Variants in RBFOX1 observed in about 807,000 individuals in gnomAD.
RBFOX1 encodes the protein RNA binding protein fox-1 homolog 1.
In RBFOX1, 8 loss-of-function variants were observed where a neutral mutation model predicts 57.7. The ratio of observed to expected loss-of-function variants is 0.14; its 90% confidence interval spans 0.08 to 0.25. RBFOX1 has a LOEUF of 0.25. RBFOX1 is among the 10% of genes least tolerant of loss of function. The pLI, the probability that RBFOX1 is intolerant of heterozygous loss-of-function variation, is 1.00. For missense variants in RBFOX1, 611 were observed against 548.5 expected (o/e 1.11, Z -1.14); for synonymous variants, 326 against 222.4 (o/e 1.47, Z -4.15).
chr16:5,967,088 G>A (rs767040585), intron 4 of RBFOX1, among the ~76,000 whole-genome samples: 13 of 146,122 alleles, frequency 8.9e-5, no homozygotes, highest in Non-Finnish European at 1.9e-4. Flanking sequence ...TTTATATATA[G>A]TTGACGGCTG....
In RBFOX1 at chr16:6,350,395, C is replaced by T. The variant is rs547727217; in HGVS notation, c.-64+33338C>T. Among the ~76,000 whole-genome samples, 9 of 130,882 alleles carry T rather than the reference C, an allele frequency of 6.9e-5. No individual in the cohort carries two copies. The South Asian group carries it at 1.3e-3, about 18-fold the overall frequency. 85.9% of individuals were successfully genotyped at this position (130,882 alleles called of 152,430 possible). On this transcript the variant is annotated intron_variant, in intron 2 of 15. Coordinates refer to ENST00000550418, the MANE Select transcript of RBFOX1 (RefSeq NM_018723.4). Reference sequence around the variant, plus strand: ...GGCAGAGGTTGCTGTGAGCCGAGATCGCACCATTGCGCTCCAGCCTGGGCA... The same window carrying T: ...GGCAGAGGTTGCTGTGAGCCGAGATTGCACCATTGCGCTCCAGCCTGGGCA...
chr16:7,252,540 A>C (rs960453533), intron 4 of RBFOX1, among the ~76,000 whole-genome samples: 6 of 152,328 alleles, frequency 3.9e-5, no homozygotes, highest in African/African-American at 1.4e-4. Flanking sequence ...AAGTTGGAAG[A>C]TCTGACAAAG....
At chr16:7,489,812 C>T (rs939546815) in intron 4 of RBFOX1, among the ~76,000 whole-genome samples, 19 of 152,012 alleles carry the variant, frequency 1.2e-4, no homozygotes, top group African/African-American at 2.7e-4. Flanking sequence ...TGAGCCACCA[C>T]GCCCAGCTAA....
intron 3 of RBFOX1, chr16:6,773,898 A>G: frequency 1.1e-6 from 1 of 948,824 alleles, no homozygotes; most frequent in Non-Finnish European, 1.3e-6. Flanking sequence ...TTGTGTGGGC[A>G]TGGAGTGCAT....
At chr16:6,198,617 A>G (rs926062247) in intron 1 of RBFOX1, among the ~76,000 whole-genome samples, 6 of 152,214 alleles carry the variant, frequency 3.9e-5, no homozygotes, top group African/African-American at 9.6e-5. Context: ...ATGCTTTTAA[A>G]TAGACTTTTA....
intron 1 of RBFOX1, among the ~76,000 whole-genome samples, chr16:5,462,535 C>T (rs773877304): frequency 2.6e-5 from 4 of 152,152 alleles, no homozygotes; most frequent in Non-Finnish European, 2.9e-5. Flanking sequence ...TACACAATAA[C>T]TCAAGTTTTA....
chr16:5,888,212 G>A (rs890357816), intron 4 of RBFOX1, among the ~76,000 whole-genome samples: 5 of 152,080 alleles, frequency 3.3e-5, no homozygotes, highest in African/African-American at 9.7e-5. Flanking sequence ...TTCCTCTGCC[G>A]GGAATGGTCC....
intron 3 of RBFOX1, among the ~76,000 whole-genome samples, chr16:5,686,389 A>G (rs2050505376): frequency 6.6e-6 from 1 of 152,128 alleles, no homozygotes. Context: ...TTTCTCCATT[A>G]TTTTTTGAGA....
chr16:5,427,167 G>A (rs111855548), intron 1 of RBFOX1, among the ~76,000 whole-genome samples: 1 of 152,230 alleles, frequency 6.6e-6, no homozygotes, highest in African/African-American at 2.4e-5. Flanking sequence ...GAGCCCTTGA[G>A]TGGGCTCACC....
chr16:5,756,031 T>C (rs1177504499), intron 3 of RBFOX1, among the ~76,000 whole-genome samples: 1 of 151,986 alleles, frequency 6.6e-6, no homozygotes, highest in Non-Finnish European at 1.5e-5. Flanking sequence ...TTTGCTGCAG[T>C]GGAAAGCCAT....
chr16:6,892,455 A>C (rs111706114), intron 3 of RBFOX1, among the ~76,000 whole-genome samples: 3 of 152,148 alleles, frequency 2.0e-5, no homozygotes, highest in Admixed American at 6.5e-5. Flanking sequence ...GGATCCCTTG[A>C]GGTCAGACGT....
chr16:6,700,943 G>T (rs557645086), intron 3 of RBFOX1, among the ~76,000 whole-genome samples: 3 of 152,096 alleles, frequency 2.0e-5, no homozygotes, highest in Admixed American at 6.6e-5. Flanking sequence ...TCGAGGTTGG[G>T]TTCACAGATA....
intron 4 of RBFOX1, among the ~76,000 whole-genome samples, chr16:7,186,585 CTTAAACAT>C (rs2083890128): frequency 8.7e-6 from 1 of 114,438 alleles, no homozygotes; most frequent in African/African-American, 3.7e-5. Context: ...TAAATATAAG[CTTAAACAT>C]ATTTATATAA....
At chr16:7,384,778 C>G (rs56046293) in intron 4 of RBFOX1, among the ~76,000 whole-genome samples, 3 of 152,216 alleles carry the variant, frequency 2.0e-5, no homozygotes, top group African/African-American at 7.2e-5. Flanking sequence ...GCCAACCCTT[C>G]TCAGCCGCTG....
At chr16:6,398,968 T>C (rs979094980) in intron 2 of RBFOX1, among the ~76,000 whole-genome samples, 1 of 152,206 alleles carries the variant, frequency 6.6e-6, no homozygotes, top group Non-Finnish European at 1.5e-5. Flanking sequence ...AGTAGCAGAC[T>C]TTTGCCCGGA....
chr16:6,537,013 T>A (rs1316011925), intron 2 of RBFOX1, among the ~76,000 whole-genome samples: 1 of 152,184 alleles, frequency 6.6e-6, no homozygotes, highest in African/African-American at 2.4e-5. Flanking sequence ...AGAAACCAAA[T>A]GTACAGTCCT....
At chr16:7,314,512 T>C (rs950591914) in intron 4 of RBFOX1, among the ~76,000 whole-genome samples, 2 of 152,210 alleles carry the variant, frequency 1.3e-5, no homozygotes, top group Non-Finnish European at 2.9e-5. Flanking sequence ...CACATTTTCA[T>C]TGCCTTTCTG....
chr16:5,831,057 C>G (rs966340566), intron 3 of RBFOX1, among the ~76,000 whole-genome samples: 5 of 152,176 alleles, frequency 3.3e-5, no homozygotes, highest in Non-Finnish European at 5.9e-5. Context: ...TATCTGTTCT[C>G]CTTACCCACA....
At chr16:6,227,084 A>G (rs920481953) in intron 1 of RBFOX1, among the ~76,000 whole-genome samples, 1 of 151,934 alleles carries the variant, frequency 6.6e-6, no homozygotes, top group Non-Finnish European at 1.5e-5. Context: ...AGATTGTGCC[A>G]CTGAACTCCA....
Sources: gnomAD v4.1 joint callset for allele counts (sites outside exome capture counted in the v4.1 genomes callset) on GRCh38, gnomAD v4.1.1 for gene constraint, MANE v1.5 for transcripts, NCBI Gene and HGNC (gene_info 2026-07-23, HGNC 2026-07-21) for gene names.